Variants in EZR observed in about 807,000 individuals in gnomAD.
The protein encoded by EZR is ezrin, also known as cytovillin 2.
A neutral mutation model predicts 74.8 loss-of-function variants in EZR; 40 were observed. The ratio of observed to expected loss-of-function variants is 0.53; its 90% confidence interval spans 0.42 to 0.70. EZR has a LOEUF of 0.70. EZR is among the 30% of genes least tolerant of loss of function. EZR has a pLI of 0.00. For synonymous variants in EZR, 341 were observed against 283.3 expected, an observed-to-expected ratio of 1.20 and a Z score of -2.05; for missense variants, 678 against 755.8, an observed-to-expected ratio of 0.90 and a Z score of 1.21.
intron 7 of EZR, among the ~76,000 whole-genome samples, chr6:158,780,118 G>A (rs1417167697): frequency 6.6e-6 from 1 of 150,996 alleles, no homozygotes; most frequent in African/African-American, 2.4e-5. Flanking sequence ...AGGAGGCAGA[G>A]GTTACAGTGA....
intron 2 of EZR, among the ~76,000 whole-genome samples, chr6:158,805,337 G>GAAA (rs56269785): frequency 1.9e-3 from 224 of 116,848 alleles, no homozygotes; most frequent in African/African-American, 4.2e-3. Context: ...TCCATCTCAG[G>GAAA]AAAAAAAAAA....
At position 158,787,086 on chromosome 6, in the gene EZR, TAA is replaced by T. The variant is rs771483939; in HGVS notation, c.192+20_192+21del. 1 of 1,597,634 alleles carries T rather than the reference TAA, an allele frequency of 6.3e-7. No homozygotes were observed. Among genetic ancestry groups the T allele is most frequent in the Non-Finnish European group, 8.6e-7 (1 of 1,165,354 alleles). Reference sequence around the variant, plus strand: ...AGACCAACACCCAATCCACAGCCTGTAAATAGTTAATCCTGACTTGCCTTCTT... The same window carrying T: ...AGACCAACACCCAATCCACAGCCTGTATAGTTAATCCTGACTTGCCTTCTT... On this transcript the variant is annotated intron_variant, in intron 4 of 13. Coordinates refer to ENST00000367075, the MANE Select transcript of EZR (RefSeq NM_001111077.2).
rs1300055761 is a variant in EZR, at chr6:158,771,146, C to T, written c.959+98G>A. On this transcript the variant is annotated intron_variant, in intron 9 of 13. Transcript: ENST00000367075. ...GGTGACTGGGTTCCATTCCACCACA[C>T]TCTCCCCATCAGCTCCACAGTCACC... 9.4e-6 allele frequency: 14 copies of T among 1,495,942 alleles called. No individual in the cohort carries two copies. The East Asian group carries it at 3.0e-4, about 32-fold the overall frequency. The allele number at this position is 1,495,942 out of a possible 1,614,324, so 92.7% of individuals were successfully genotyped here. A position where few individuals can be genotyped will look rare whatever the true frequency, so the allele number is the denominator to read the frequency against.
chr6:158,781,141 G>A (rs142767814), intron 7 of EZR, among the ~76,000 whole-genome samples: 8 of 152,086 alleles, frequency 5.3e-5, no homozygotes, highest in African/African-American at 1.4e-4. Flanking sequence ...AGGTAACAGC[G>A]CAACAGCTGG....
At chr6:158,818,338 C>G (rs1284992733) in intron 1 of EZR, 172 bp from the exon 2 acceptor site, 2 of 237,660 alleles carry the variant, frequency 8.4e-6, no homozygotes, top group Non-Finnish European at 1.6e-5. Context: ...ACGGGCGGGG[C>G]GGGGCCGGGC....
At chr6:158,800,780 T>C (rs554201672) in intron 2 of EZR, among the ~76,000 whole-genome samples, 3 of 152,118 alleles carry the variant, frequency 2.0e-5, no homozygotes, top group Non-Finnish European at 2.9e-5. Context: ...CCAGCCTGGG[T>C]GACAGAGTGA....
Position 158,785,456 on chromosome 6 carries a change from T to C in EZR, c.320A>G (p.Lys107Arg), listed in dbSNP as rs778913099. 10 of 1,614,210 alleles carry C rather than the reference T, an allele frequency of 6.2e-6. No individual in the cohort carries two copies. In the South Asian group the frequency reaches 9.9e-5, roughly 16 times the overall value. ...ITQKLFFLQV[K>R]EGILSDEIYC... ...GATCTCATCGCTAAGGATTCCTTCC[T>C]TCACTTGGAGGAAGAAAAGTTTCTG... The change falls in exon 5 of 14, where the codon AAG becomes AGG. Residue 107 changes from lysine to arginine, a missense_variant. Coordinates refer to ENST00000367075, the MANE Select transcript of EZR (RefSeq NM_001111077.2).
chr6:158,787,639 C>T (rs1046028374), intron 3 of EZR, among the ~76,000 whole-genome samples: 6 of 152,196 alleles, frequency 3.9e-5, no homozygotes, highest in African/African-American at 1.2e-4. Context: ...CAGTGCCACA[C>T]CTGAGCCTCC....
intron 2 of EZR, among the ~76,000 whole-genome samples, chr6:158,806,485 T>C (rs999228071): frequency 1.3e-5 from 2 of 151,840 alleles, no homozygotes; most frequent in African/African-American, 4.8e-5. Context: ...TTTCACTTTT[T>C]TTTTTTTTTG....
chr6:158,784,058 C>A (rs1791499847), intron 6 of EZR, among the ~76,000 whole-genome samples: 1 of 152,188 alleles, frequency 6.6e-6, no homozygotes, highest in Admixed American at 6.5e-5. Flanking sequence ...GATGTTTGGG[C>A]CAGACAGGAA....
intron 2 of EZR, among the ~76,000 whole-genome samples, chr6:158,794,506 G>A (rs1027226356): frequency 6.6e-6 from 1 of 152,170 alleles, no homozygotes; most frequent in African/African-American, 2.4e-5. Context: ...GGGACTGTAT[G>A]ATTCTGATAC....
intron 2 of EZR, among the ~76,000 whole-genome samples, chr6:158,801,495 G>A (rs1418854527): frequency 6.6e-6 from 1 of 152,138 alleles, no homozygotes; most frequent in Non-Finnish European, 1.5e-5. Context: ...GCACAGAATT[G>A]TAACAAAAAT....
At position 158,769,380 on chromosome 6, in the gene EZR, G is replaced by T; in HGVS notation, c.1290C>A (p.Leu430=). The T allele has an allele frequency of 1.2e-6, 2 of 1,609,078 alleles. No individual in the cohort carries two copies. ...ELAEYTAKIA[L]LEEARRRKED... is the part of the protein sequence containing the mutation. ...CCTTGCGCCTCCGCGCCTCTTCCAG[G>T]AGGGCAATCTTGGCAGTGTATTCTG... Residue 430 remains leucine, a synonymous_variant, in exon 12 of 14, where the codon CTC becomes CTA. Coordinates refer to ENST00000367075, the MANE Select transcript of EZR (RefSeq NM_001111077.2).
chr6:158,802,877 G>A (rs1203054804), intron 2 of EZR, among the ~76,000 whole-genome samples: 1 of 152,038 alleles, frequency 6.6e-6, no homozygotes, highest in African/African-American at 2.4e-5. Flanking sequence ...TTTATCCCTC[G>A]AATACAGCAT....
chr6:158,798,963 T>TA (rs1325931719), intron 2 of EZR, among the ~76,000 whole-genome samples: 10 of 152,186 alleles, frequency 6.6e-5, no homozygotes, highest in Non-Finnish European at 1.5e-4. Flanking sequence ...CCCAGCACTC[T>TA]AATTACAAAA....
At chr6:158,789,149 T>C in intron 3 of EZR, 139 bp downstream of exon 3, 1 of 641,034 alleles carries the variant, frequency 1.6e-6, no homozygotes. Context: ...TGAAATACTT[T>C]CACCTTTTAA....
rs146322319 is a variant in EZR at position 158,766,969 on chromosome 6, C to T, written c.1706G>A (p.Arg569Gln). The T allele has an allele frequency of 3.3e-5, 53 of 1,614,038 alleles. No homozygotes were observed. Among genetic ancestry groups the T allele is most frequent in the Admixed American group, 1.0e-4 (6 of 59,998 alleles). ...RQGRDKYKTL[R>Q]QIRQGNTKQR... is the part of the protein sequence containing the mutation. ...CTTGGTGTTGCCCTGCCGGATCTGC[C>T]GCAGCGTCTTGTACTTGTCCCGGCC... Residue 569 changes from arginine to glutamine, a missense_variant, in exon 14 of 14, where the codon CGG becomes CAG. This residue lies in a region of EZR where 342 missense variants were observed against 341.2 expected (regional missense o/e 1.00). Transcript: ENST00000367075.
At chr6:158,787,547 G>GGCTCC (rs1419479308) in intron 3 of EZR, among the ~76,000 whole-genome samples, 2 of 152,284 alleles carry the variant, frequency 1.3e-5, no homozygotes. Context: ...ACAGAACCAT[G>GGCTCC]GGAGCCCACA....
At chr6:158,816,997 T>C (rs1777570782) in intron 2 of EZR, among the ~76,000 whole-genome samples, 1 of 151,994 alleles carries the variant, frequency 6.6e-6, no homozygotes, top group Non-Finnish European at 1.5e-5. Context: ...AGGCAGGAGA[T>C]TCGCTTGAAC....
Sources: allele counts gnomAD v4.1 joint callset (sites outside exome capture counted in the v4.1 genomes callset), GRCh38; gene constraint gnomAD v4.1.1; regional missense constraint gnomAD v4.1.1; transcripts MANE v1.5; gene names NCBI Gene and HGNC (gene_info 2026-07-23, HGNC 2026-07-21).